GRB10: variants seen among roughly 807,000 people sequenced by gnomAD.
The protein encoded by GRB10 is growth factor receptor bound protein 10, also known as growth factor receptor-bound protein 10.
In GRB10, 20 loss-of-function variants were observed where a neutral mutation model predicts 80.9. The ratio of observed to expected loss-of-function variants is 0.25; its 90% CI spans 0.17 to 0.36. The LOEUF (loss-of-function observed/expected upper bound fraction) is 0.36, where lower values mean the gene tolerates loss of function less well. GRB10 is among the 10% of genes least tolerant of loss of function. The probability of loss-of-function intolerance (pLI) is 1.00; values close to 1 mark genes in which losing one functional copy is unlikely to be tolerated. For missense variants in GRB10, 548 were observed against 747.7 expected, an observed-to-expected ratio of 0.73 and a Z score of 3.12; for synonymous variants, 291 against 291.5, an observed-to-expected ratio of 1.00 and a Z score of 0.02.
Position 50,605,312 on chromosome 7 carries a change from A to C in GRB10, c.1367T>G (p.Leu456Arg). 1 of 1,613,910 alleles carries C rather than the reference A, an allele frequency of 6.2e-7. No individual in the cohort carries two copies. Among genetic ancestry groups the C allele is most frequent in the Non-Finnish European group, 8.5e-7 (1 of 1,179,956 alleles). ...TACCCTCCAGGCGTGGCCCTCCTCC[A>C]GGGCTGCGCTCTGGGCCTCTGCCGG... ...ENPAEAQSAALEEGHAWRKRS... is the reference protein window; with the variant it reads ...ENPAEAQSAAREEGHAWRKRS... The change falls in exon 15 of 19, where the codon CTG (leucine) becomes CGG (arginine). Residue 456 changes from leucine to arginine, a missense_variant. Around this residue, in one of 4 missense-constraint regions of GRB10, gnomAD observed 270 missense variants for 433.6 expected, o/e 0.62. Coordinates refer to ENST00000401949, the MANE Select transcript of GRB10 (RefSeq NM_001350814.2).
At chr7:50,740,960 A>T (rs1043205372) in intron 3 of GRB10, among the ~76,000 whole-genome samples, 1 of 152,242 alleles carries the variant, frequency 6.6e-6, no homozygotes, top group African/African-American at 2.4e-5. Flanking sequence ...ATGATAGTCA[A>T]GTGTCACTTA....
chr7:50,599,182 G>A (rs1479016216), intron 17 of GRB10, among the ~76,000 whole-genome samples: 1 of 152,166 alleles, frequency 6.6e-6, no homozygotes, highest in African/African-American at 2.4e-5. Flanking sequence ...GGGTGGGGAC[G>A]GGGATGGGAG....
intron 5 of GRB10, among the ~76,000 whole-genome samples, chr7:50,700,005 G>A (rs1311839950): frequency 1.3e-5 from 2 of 152,078 alleles, no homozygotes; most frequent in African/African-American, 2.4e-5. Flanking sequence ...CGGGCGTGGT[G>A]GCGGGCACCT....
intron 8 of GRB10, among the ~76,000 whole-genome samples, chr7:50,622,287 C>A (rs1463414295): frequency 6.6e-6 from 1 of 152,182 alleles, no homozygotes; most frequent in Non-Finnish European, 1.5e-5. Flanking sequence ...TAAAACCAGC[C>A]TGCAAAAGGC....
chr7:50,775,139 T>C (rs1022857029), intron 2 of GRB10, among the ~76,000 whole-genome samples: 3 of 98,216 alleles, frequency 3.1e-5, no homozygotes, highest in African/African-American at 1.1e-4. Flanking sequence ...CCAGCCTGAA[T>C]GACACAGTGA....
In GRB10 at chr7:50,703,871, G is replaced by T. The variant is rs200249565; in HGVS notation, c.89C>A (p.Pro30Gln). ...CTGTGCGGGGAGTCCTGGTCCTGCC[G>T]GGTCTTGTTGACTGCGAGGTGTCTG... ...VEQTPRSQQDPAGPGLPAQSD... is the reference protein window; with the variant it reads ...VEQTPRSQQDQAGPGLPAQSD... The change falls in exon 5 of 19, where the codon CCG (proline) becomes CAG (glutamine). Residue 30 changes from proline to glutamine, a missense_variant. Physicochemically the swap from Pro to Gln is moderately conservative, Grantham distance 76 (BLOSUM62 -1). This residue lies in a region of GRB10 where 245 missense variants were observed against 229.3 expected (regional missense o/e 1.07). Transcript: ENST00000401949. 6 of 1,613,214 alleles carry T rather than the reference G, an allele frequency of 3.7e-6. No homozygotes were observed. In the African/African-American group the frequency reaches 5.3e-5, roughly 14 times the overall value.
upstream of GRB10, among the ~76,000 whole-genome samples, chr7:50,783,223 C>T (rs901048858): frequency 6.6e-6 from 1 of 152,244 alleles, no homozygotes; most frequent in Non-Finnish European, 1.5e-5. Flanking sequence ...TCCAGGATCA[C>T]TCTCGTCTCA....
intron 3 of GRB10, among the ~76,000 whole-genome samples, chr7:50,755,540 C>G (rs1442058638): frequency 6.6e-6 from 1 of 152,080 alleles, no homozygotes; most frequent in African/African-American, 2.4e-5. Context: ...CAGAGTGACC[C>G]AGGAGGCAGG....
chr7:50,717,892 A>C (rs1294208177), intron 4 of GRB10, among the ~76,000 whole-genome samples: 1 of 152,222 alleles, frequency 6.6e-6, no homozygotes, highest in Non-Finnish European at 1.5e-5. Flanking sequence ...TACGAGACGC[A>C]ACCACAAGGC....
intron 2 of GRB10, among the ~76,000 whole-genome samples, chr7:50,772,334 G>A (rs1175433394): frequency 6.6e-6 from 1 of 152,176 alleles, no homozygotes; most frequent in Non-Finnish European, 1.5e-5. Context: ...CAGCCACCTC[G>A]TTCTGGTCTT....
intron 5 of GRB10, among the ~76,000 whole-genome samples, chr7:50,693,002 T>C (rs1045494683): frequency 2.0e-5 from 3 of 152,180 alleles, no homozygotes; most frequent in Non-Finnish European, 4.4e-5. Flanking sequence ...AGGGAGGTTC[T>C]AGCACAGGCC....
At chr7:50,740,853 T>C (rs539168974) in intron 3 of GRB10, among the ~76,000 whole-genome samples, 3 of 141,962 alleles carry the variant, frequency 2.1e-5, no homozygotes, top group East Asian at 2.1e-4. Flanking sequence ...CCAAGGCAAA[T>C]AGAAAAGCTT....
At chr7:50,792,679 C>G (rs1447245345) in intron 1 of GRB10, 2 of 385,022 alleles carry the variant, frequency 5.2e-6, no homozygotes, top group African/African-American at 2.1e-5. Context: ...GAGGCTGGGC[C>G]GGCTCGGGAT....
At chr7:50,686,640 T>G (rs2153654272) in intron 5 of GRB10, among the ~76,000 whole-genome samples, 1 of 152,244 alleles carries the variant, frequency 6.6e-6, no homozygotes, top group South Asian at 2.1e-4. Context: ...CTATAGAACA[T>G]TACATTATTA....
intron 7 of GRB10, among the ~76,000 whole-genome samples, chr7:50,642,008 G>A (rs561486283): frequency 2.4e-4 from 37 of 152,324 alleles, no homozygotes; most frequent in African/African-American, 5.8e-4. Context: ...GAGGAGTTCC[G>A]CGGCAGCGAC....
In GRB10 at chr7:50,689,687, C is replaced by T. The variant is rs145711764; in HGVS notation, c.139+14134G>A. Reference sequence around the variant, plus strand: ...GTAAGAAACTAACATTTTTGAGGACCTCCTTAAAGATGGGATTAATTCATA... The same window carrying T: ...GTAAGAAACTAACATTTTTGAGGACTTCCTTAAAGATGGGATTAATTCATA... On this transcript the variant is annotated intron_variant, in intron 5 of 18. Transcript: ENST00000401949. Among the ~76,000 whole-genome samples, 6 of 152,130 alleles carry T rather than the reference C, an allele frequency of 3.9e-5. No homozygotes were observed. The South Asian group carries it at 1.0e-3, about 26-fold the overall frequency.
chr7:50,750,441 C>T (rs906763365), intron 3 of GRB10, among the ~76,000 whole-genome samples: 1 of 152,170 alleles, frequency 6.6e-6, no homozygotes, highest in African/African-American at 2.4e-5. Flanking sequence ...TAAGCAGGTG[C>T]GCACGCGGAG....
intron 17 of GRB10, among the ~76,000 whole-genome samples, chr7:50,598,797 G>A (rs2047081751): frequency 6.6e-6 from 1 of 152,196 alleles, no homozygotes; most frequent in Non-Finnish European, 1.5e-5. Context: ...AGAAGGGAAA[G>A]CTTCAAAGAA....
At chr7:50,664,104 G>C (rs537216478) in intron 7 of GRB10, among the ~76,000 whole-genome samples, 1 of 152,180 alleles carries the variant, frequency 6.6e-6, no homozygotes, top group Non-Finnish European at 1.5e-5. Context: ...CTTCCCTAGC[G>C]TGGACACCGA....
Sources: allele counts gnomAD v4.1 joint callset (sites outside exome capture counted in the v4.1 genomes callset), GRCh38; gene constraint gnomAD v4.1.1; regional missense constraint gnomAD v4.1.1; transcripts MANE v1.5; gene names NCBI Gene and HGNC (gene_info 2026-07-23, HGNC 2026-07-21).